The following HDAC9 variants were observed in gnomAD, a reference collection of about 807,000 sequenced individuals.
HDAC9 encodes the protein MEF-2 interacting transcription repressor (MITR) protein.
A neutral mutation model predicts 139.4 loss-of-function variants in HDAC9; 41 were observed. That is an observed-to-expected ratio of 0.29 (90% CI 0.23 to 0.38). The LOEUF (loss-of-function observed/expected upper bound fraction) is 0.38, where lower values mean the gene tolerates loss of function less well. Ranked by LOEUF, HDAC9 falls within the 10% of genes least tolerant of loss-of-function variation. HDAC9 has a pLI of 1.00. For missense variants in HDAC9, 1,147 were observed against 1,297.0 expected, an observed-to-expected ratio of 0.88 and a Z score of 1.78; for synonymous variants, 517 against 476.2, an observed-to-expected ratio of 1.09 and a Z score of -1.12.
intron 2 of HDAC9, among the ~76,000 whole-genome samples, chr7:18,166,418 T>A (rs915355694): frequency 6.6e-6 from 1 of 152,248 alleles, no homozygotes; most frequent in African/African-American, 2.4e-5. Flanking sequence ...CTATTCATTT[T>A]CTTATTGGCA....
chr7:18,591,440 C>G, intron 4 of HDAC9, 76 bp from the exon 5 acceptor site: 1 of 1,472,800 alleles, frequency 6.8e-7, no homozygotes, highest in Non-Finnish European at 9.0e-7. Context: ...CATGAGAGGA[C>G]AAAACTCACC....
intron 3 of HDAC9, 51 bp from the exon 4 acceptor site, chr7:18,590,285 C>T (rs958263399): frequency 1.1e-5 from 18 of 1,594,122 alleles, no homozygotes; most frequent in Non-Finnish European, 1.4e-5. Context: ...TCAGTGATGA[C>T]TATGAAGCCT....
At chr7:18,528,370 T>A (rs1436479038) in intron 2 of HDAC9, among the ~76,000 whole-genome samples, 1 of 151,934 alleles carries the variant, frequency 6.6e-6, no homozygotes, top group South Asian at 2.1e-4. Context: ...AATAACATTT[T>A]ATATAAGTGA....
At chr7:18,737,980 T>C (rs899935172) in intron 13 of HDAC9, among the ~76,000 whole-genome samples, 28 of 152,352 alleles carry the variant, frequency 1.8e-4, no homozygotes, top group Non-Finnish European at 3.5e-4. Flanking sequence ...TAGTTAGCTC[T>C]TCTTGTTGAA....
chr7:18,100,756 A>T lies in HDAC9; in HGVS notation c.-97+13543A>T, dbSNP rs183354390. ...GTTTGATAGACTTTTTATCCTTGCT[A>T]TTGGTTATATTTTCCTATATCTTTG... is the stretch of plus-strand genomic sequence containing the variant. On this transcript the variant is annotated intron_variant, in intron 1 of 12. Coordinates refer to the HDAC9 transcript ENST00000417496. 3.0e-3 allele frequency among the ~76,000 whole-genome samples: 456 copies of T among 152,006 alleles called. 3 individuals are homozygous for T. The highest frequency in any genetic ancestry group is 3.9e-3 in the Non-Finnish European group (267 of 67,986).
intron 17 of HDAC9, among the ~76,000 whole-genome samples, chr7:18,808,576 A>G (rs1287862600): frequency 3.3e-5 from 5 of 152,110 alleles, no homozygotes; most frequent in Non-Finnish European, 7.4e-5. Flanking sequence ...AAATACTTAG[A>G]AAAAAATTAA....
At chr7:18,529,496 A>T (rs2044369378) in intron 2 of HDAC9, among the ~76,000 whole-genome samples, 1 of 152,210 alleles carries the variant, frequency 6.6e-6, no homozygotes, top group South Asian at 2.1e-4. Context: ...TCCAAAGTAG[A>T]TGCCAAAGTA....
At chr7:18,451,678 A>C (rs1376702771) in intron 1 of HDAC9, among the ~76,000 whole-genome samples, 1 of 151,734 alleles carries the variant, frequency 6.6e-6, no homozygotes, top group Non-Finnish European at 1.5e-5. Context: ...CCACTGATCT[A>C]TGTGGATATA....
intron 2 of HDAC9, among the ~76,000 whole-genome samples, chr7:18,501,476 C>T (rs185197185): frequency 3.3e-5 from 5 of 152,166 alleles, no homozygotes; most frequent in East Asian, 1.9e-4. Flanking sequence ...GTATCTCTTA[C>T]GTTAAGGAAG....
intron 1 of HDAC9, among the ~76,000 whole-genome samples, chr7:18,478,174 C>T (rs1795268918): frequency 6.6e-6 from 1 of 152,050 alleles, no homozygotes; most frequent in Non-Finnish European, 1.5e-5. Context: ...CGGGTTCACG[C>T]CGTTTTCCTG....
intron 2 of HDAC9, among the ~76,000 whole-genome samples, chr7:18,242,915 G>C (rs1015970136): frequency 2.0e-5 from 3 of 152,166 alleles, no homozygotes; most frequent in African/African-American, 7.2e-5. Context: ...AGACCTTCAT[G>C]CTCTGTTGTT....
At chr7:18,904,671 G>A (rs1359626006) in intron 22 of HDAC9, among the ~76,000 whole-genome samples, 2 of 146,044 alleles carry the variant, frequency 1.4e-5, no homozygotes, top group Non-Finnish European at 3.0e-5. Flanking sequence ...CGCCTCCCGG[G>A]TTCACGCCAT....
At chr7:18,952,146 T>G (rs760505904) in intron 23 of HDAC9, among the ~76,000 whole-genome samples, 1 of 151,804 alleles carries the variant, frequency 6.6e-6, no homozygotes, top group Non-Finnish European at 1.5e-5. Context: ...GTTTGGGAGG[T>G]TTAAATGATC....
rs569580162 is a variant in HDAC9 at position 18,742,258 on chromosome 7, G to T, written c.1910-6747G>T. 3.3e-5 allele frequency among the ~76,000 whole-genome samples: 5 copies of T among 152,244 alleles called. No homozygotes were observed. In the East Asian group the frequency reaches 9.6e-4, roughly 29 times the overall value. ...ATGTTGCAAACTTCATTGTTATCTT[G>T]TTTGAAGAAATTGCCACAGCCACTC... On this transcript the variant is annotated intron_variant, in intron 13 of 25. Coordinates refer to ENST00000686413, the MANE Select transcript of HDAC9 (RefSeq NM_178425.4).
At chr7:18,248,683 A>G (rs917328) in intron 2 of HDAC9, among the ~76,000 whole-genome samples, 111,641 of 152,034 alleles carry the variant, frequency 0.73, 41,091 homozygotes, top group South Asian at 0.85. Flanking sequence ...GCAATAAATG[A>G]TCTTAGAGGA....
intron 2 of HDAC9, among the ~76,000 whole-genome samples, chr7:18,246,998 C>T (rs568002300): frequency 9.2e-5 from 14 of 152,008 alleles, no homozygotes; most frequent in Non-Finnish European, 1.8e-4. Flanking sequence ...GTTGTTCTAA[C>T]GTGAGCAACT....
chr7:18,849,138 C>A (rs1327585276), intron 21 of HDAC9, among the ~76,000 whole-genome samples: 1 of 152,190 alleles, frequency 6.6e-6, no homozygotes, highest in Admixed American at 6.6e-5. Flanking sequence ...AAGTAAAACA[C>A]ATCTGCCCCT....
At chr7:18,400,880 C>G (rs1034927843) in intron 1 of HDAC9, among the ~76,000 whole-genome samples, 1 of 152,122 alleles carries the variant, frequency 6.6e-6, no homozygotes. Context: ...TTACTTTCCT[C>G]TTAGGTTTTC....
At chr7:18,556,358 A>G (rs944043284) in intron 2 of HDAC9, among the ~76,000 whole-genome samples, 2 of 152,110 alleles carry the variant, frequency 1.3e-5, no homozygotes, top group Non-Finnish European at 2.9e-5. Context: ...CCTTCATTCA[A>G]TAATTATCCA....
Sources: gnomAD v4.1 joint callset for allele counts (sites outside exome capture counted in the v4.1 genomes callset) on GRCh38, gnomAD v4.1.1 for gene constraint, MANE v1.5 for transcripts, NCBI Gene and HGNC (gene_info 2026-07-23, HGNC 2026-07-21) for gene names.